The following NRF1 variants were observed in gnomAD, a reference collection of about 807,000 sequenced individuals.
NRF1 encodes nuclear respiratory factor 1.
In NRF1, 5 loss-of-function variants were observed where a neutral mutation model predicts 58.5. The ratio of observed to expected loss-of-function variants is 0.09; its 90% CI spans 0.04 to 0.18. The LOEUF is 0.18. NRF1 is among the 10% of genes least tolerant of loss of function. NRF1 has a pLI of 1.00. For synonymous variants in NRF1, 224 were observed against 246.7 expected (o/e 0.91, Z 0.86); for missense variants, 288 against 657.7 (o/e 0.44, Z 6.15).
intron 4 of NRF1, among the ~76,000 whole-genome samples, chr7:129,688,217 C>T (rs1300209058): frequency 6.6e-6 from 1 of 152,142 alleles, no homozygotes; most frequent in African/African-American, 2.4e-5. Flanking sequence ...ACCTCCACCT[C>T]CTGGGCTTAA....
chr7:129,727,569 T>C (rs1021483503), intron 10 of NRF1, among the ~76,000 whole-genome samples: 4 of 152,208 alleles, frequency 2.6e-5, no homozygotes, highest in Admixed American at 6.5e-5. Flanking sequence ...AGGAAAATAC[T>C]GTGATAATGG....
intron 3 of NRF1, among the ~76,000 whole-genome samples, chr7:129,673,855 T>C (rs57241718): frequency 0.19 from 29,528 of 151,544 alleles, 3,114 homozygotes; most frequent in East Asian, 0.48. Context: ...TTAAGCTGTT[T>C]TTGGCTGGGC....
At chr7:129,686,166 T>G (rs1584640118) in intron 4 of NRF1, among the ~76,000 whole-genome samples, 1 of 148,034 alleles carries the variant, frequency 6.8e-6, no homozygotes, top group Non-Finnish European at 1.5e-5. Flanking sequence ...GATGCCAAGG[T>G]GAGCGACGAG....
At chr7:129,614,165 G>GAC (rs1800607999) in intron 1 of NRF1, among the ~76,000 whole-genome samples, 1 of 152,112 alleles carries the variant, frequency 6.6e-6, no homozygotes, top group Non-Finnish European at 1.5e-5. Context: ...ACCCAGGCTG[G>GAC]AGTGCAGTGG....
chr7:129,708,954 C>A, intron 5 of NRF1, 121 bp from the exon 6 acceptor site: 1 of 809,406 alleles, frequency 1.2e-6, no homozygotes, highest in Non-Finnish European at 1.8e-6. Context: ...TCAGTCACAT[C>A]TTAGAATTCT....
intron 9 of NRF1, among the ~76,000 whole-genome samples, chr7:129,724,717 G>A (rs1455600715): frequency 6.6e-6 from 1 of 152,194 alleles, no homozygotes; most frequent in East Asian, 1.9e-4. Context: ...CTACGATGTG[G>A]ATGAATCTTG....
chr7:129,614,408 G>C (rs1368402954), intron 1 of NRF1, among the ~76,000 whole-genome samples: 1 of 147,742 alleles, frequency 6.8e-6, no homozygotes, highest in East Asian at 2.0e-4. Context: ...GAGCCAATGC[G>C]CCTGGCCCAA....
intron 10 of NRF1, among the ~76,000 whole-genome samples, chr7:129,736,403 TC>T (rs1445668859): frequency 6.6e-6 from 1 of 150,630 alleles, no homozygotes; most frequent in Non-Finnish European, 1.5e-5. Context: ...TGCCTCAGCC[TC>T]CTGAGAGAGC....
At chr7:129,697,370 C>T (rs1293661497) in intron 5 of NRF1, among the ~76,000 whole-genome samples, 37 of 151,586 alleles carry the variant, frequency 2.4e-4, no homozygotes, top group Admixed American at 2.3e-3. Context: ...GGTGAAACCC[C>T]GTCTCCACTA....
intron 6 of NRF1, among the ~76,000 whole-genome samples, chr7:129,709,750 GAC>G (rs1803030383): frequency 8.7e-6 from 1 of 115,438 alleles, no homozygotes; most frequent in African/African-American, 3.4e-5. Context: ...TTTTTTTTGA[GAC>G]AGAGTCTCAC....
chr7:129,701,605 A>G (rs1025436080), intron 5 of NRF1, among the ~76,000 whole-genome samples: 1 of 150,838 alleles, frequency 6.6e-6, no homozygotes, highest in African/African-American at 2.4e-5. Flanking sequence ...AAAAAAAAAG[A>G]AAAAGAAAAA....
rs773815864 is a variant in NRF1, at chr7:129,657,388, G to A, written c.37G>A (p.Ala13Thr). The change falls in exon 2 of 11, where the codon GCT becomes ACT. Residue 13 changes from alanine (A) to threonine (T), a missense_variant. Physicochemically the swap from Ala to Thr is moderately conservative, Grantham distance 58. Coordinates refer to ENST00000393232, the MANE Select transcript of NRF1 (RefSeq NM_005011.5). ...CGGAGTGACCCAAACCGAACATATGGCTACCATAGAAGCACATGCAGTGGC... is the reference window on the plus strand; with the variant it reads ...CGGAGTGACCCAAACCGAACATATGACTACCATAGAAGCACATGCAGTGGC... ...EHGVTQTEHMATIEAHAVAQQ... is the reference protein window; with the variant it reads ...EHGVTQTEHMTTIEAHAVAQQ... The A allele has an allele frequency of 6.2e-7, 1 of 1,614,098 alleles. No homozygotes were observed. The highest frequency in any genetic ancestry group is 8.5e-7 in the Non-Finnish European group (1 of 1,180,030).
intron 5 of NRF1, among the ~76,000 whole-genome samples, chr7:129,698,121 G>T (rs1022671021): frequency 1.3e-5 from 2 of 152,106 alleles, no homozygotes; most frequent in Non-Finnish European, 2.9e-5. Context: ...AGCAATGTCT[G>T]CAGTTCTGTG....
intron 1 of NRF1, among the ~76,000 whole-genome samples, chr7:129,651,132 G>T (rs1213451475): frequency 6.6e-6 from 1 of 151,986 alleles, no homozygotes; most frequent in African/African-American, 2.4e-5. Flanking sequence ...AATAAAAATG[G>T]TTAGAGAGGC....
chr7:129,616,976 A>G (rs773972784), intron 1 of NRF1, among the ~76,000 whole-genome samples: 13 of 152,208 alleles, frequency 8.5e-5, no homozygotes, highest in Admixed American at 2.0e-4. Flanking sequence ...TGTAAGAGCT[A>G]CTTTTGTATG....
chr7:129,677,820 C>G, intron 4 of NRF1, 62 bp downstream of exon 4: 1 of 1,595,530 alleles, frequency 6.3e-7, no homozygotes, highest in Non-Finnish European at 8.6e-7. Context: ...TTCCATTCTT[C>G]TGATCCTCTG....
intron 10 of NRF1, among the ~76,000 whole-genome samples, chr7:129,744,392 T>A (rs1803922794): frequency 6.6e-6 from 1 of 152,112 alleles, no homozygotes; most frequent in Non-Finnish European, 1.5e-5. Flanking sequence ...TTCCATTGAT[T>A]ATCTGATTTT....
chr7:129,693,773 G>T lies in NRF1; in HGVS notation c.606+3227G>T, dbSNP rs73159632. The stretch of plus-strand genomic sequence containing the variant: ...ATTATTTTTATCTAGTTGATGTGAA[G>T]AATCTACTCTGTCTCAGATGTAAAG... On this transcript the variant is annotated intron_variant, in intron 5 of 10. Transcript: ENST00000393232. 1.2e-3 allele frequency among the ~76,000 whole-genome samples: 187 copies of T among 152,240 alleles called. 2 individuals are homozygous for T. Among genetic ancestry groups the T allele is most frequent in the Non-Finnish European group, 2.1e-3 (144 of 68,014 alleles).
At position 129,724,187 on chromosome 7, in the gene NRF1, A is replaced by G. The variant is rs950324192; in HGVS notation, c.1224-3054A>G. Among the ~76,000 whole-genome samples, 4 of 152,368 alleles carry G rather than the reference A, an allele frequency of 2.6e-5. No homozygotes were observed. The East Asian group carries it at 7.7e-4, about 29-fold the overall frequency. ...TCCAGAATATATAGGGAATGTCTAA[A>G]ACTCAACAACAACAAAAACTCTATT... On this transcript the variant is annotated intron_variant, in intron 9 of 10. Transcript: ENST00000393232.
Sources: allele counts gnomAD v4.1 joint callset (sites outside exome capture counted in the v4.1 genomes callset), GRCh38; gene constraint gnomAD v4.1.1; transcripts MANE v1.5; gene names NCBI Gene and HGNC (gene_info 2026-07-23, HGNC 2026-07-21).